Variants in RPL7 observed in about 807,000 individuals in gnomAD.
RPL7 encodes ribosomal protein L7.
For synonymous variants in RPL7, 100 were observed against 102.2 expected (o/e 0.98, Z 0.13); for missense variants, 205 against 301.9 (o/e 0.68, Z 2.38).
At chr8:73,293,657 A>T (rs775979784), upstream of RPL7, 5 of 1,611,434 alleles carry the variant, frequency 3.1e-6, no homozygotes, top group Non-Finnish European at 2.5e-6. Context: ...CGTACTGTCC[A>T]CTTAAAGACT....
At position 73,293,589 on chromosome 8, in the gene RPL7, A is replaced by G. The variant is rs1396029182; in HGVS notation, c.14+10T>C. ...GAGAAGGATTCTCAAGAGGACCAGA[A>G]GCAACTCACTCTACACCCTCCATGG... On this transcript the variant is annotated intron_variant, in intron 1 of 6. Transcript: ENST00000352983. 3 of 1,613,808 alleles carry G rather than the reference A, an allele frequency of 1.9e-6. No homozygotes were observed. Among genetic ancestry groups the G allele is most frequent in the Non-Finnish European group, 1.7e-6 (2 of 1,179,918 alleles).
At chr8:73,291,454 A>C in intron 5 of RPL7, 98 bp downstream of exon 5, 1 of 943,170 alleles carries the variant, frequency 1.1e-6, no homozygotes, top group Non-Finnish European at 1.6e-6. Flanking sequence ...ATCATAGGGA[A>C]CACATGAAGA....
Position 73,291,680 on chromosome 8 carries a change from C to G in RPL7, c.429-19G>C. 1 of 1,589,756 alleles carries G rather than the reference C, an allele frequency of 6.3e-7. No homozygotes were observed. The highest frequency in any genetic ancestry group is 8.6e-7 in the Non-Finnish European group (1 of 1,160,510). ...GGGGTACCTGAAGTGAAAAAGCAAACATAAATAAGGTGACCACTGTTAAAA... is the reference window on the plus strand; with the variant it reads ...GGGGTACCTGAAGTGAAAAAGCAAAGATAAATAAGGTGACCACTGTTAAAA... On this transcript the variant is annotated intron_variant, in intron 4 of 6. Coordinates refer to ENST00000352983, the MANE Select transcript of RPL7 (RefSeq NM_000971.4).
chr8:73,293,703 G>A (rs951477546), upstream of RPL7: 5 of 1,511,170 alleles, frequency 3.3e-6, no homozygotes, highest in African/African-American at 6.9e-5. Flanking sequence ...AGGTGTCTTA[G>A]AATAAGCCGG....
upstream of RPL7, chr8:73,293,897 G>A (rs111784609): frequency 4.9e-6 from 2 of 404,792 alleles, no homozygotes; most frequent in African/African-American, 4.1e-5. Context: ...TCCCCAGGCT[G>A]CGCTGACAGG....
chr8:73,292,614 C>A, intron 2 of RPL7, 75 bp downstream of exon 2: 1 of 1,192,308 alleles, frequency 8.4e-7, no homozygotes, highest in Non-Finnish European at 1.2e-6. Context: ...GTAAATCTTG[C>A]CAAGAACATT....
At chr8:73,292,043 T>C (rs917231483) in intron 3 of RPL7, 133 bp from the exon 4 acceptor site, 123 of 1,295,696 alleles carry the variant, frequency 9.5e-5, no homozygotes, top group Non-Finnish European at 1.3e-4. Context: ...TGAATTTCTG[T>C]ATTCTATTAA....
At chr8:73,292,176 A>C (rs955626133) in intron 3 of RPL7, 63 bp downstream of exon 3, 10 of 1,439,608 alleles carry the variant, frequency 6.9e-6, no homozygotes, top group South Asian at 1.3e-5. Flanking sequence ...GGCTCCCAGA[A>C]GTAATGTGAA....
rs12678782 is a variant in RPL7, at chr8:73,290,461, G to T, written c.*246C>A. On this transcript the variant is annotated 3_prime_UTR_variant, in exon 7 of 7. Transcript: ENST00000352983. ...AAAAAACAAAAAATTAAAATCTTTT[G>T]TATAGAAAAGCCTTTTAAAAACCCA... is the stretch of plus-strand genomic sequence containing the variant. 0.11 allele frequency: 16,873 copies of T among 152,258 alleles called. 991 individuals are homozygous for T. The highest frequency in any genetic ancestry group is 0.14 in the East Asian group (719 of 5,184). 9.4% of individuals were successfully genotyped at this position (152,258 alleles called of 1,614,324 possible). A position where few individuals can be genotyped will look rare whatever the true frequency, so the allele number is the denominator to read the frequency against.
At chr8:73,292,489 G>A (rs1268396149) in intron 2 of RPL7, 84 bp from the exon 3 acceptor site, 1 of 1,317,202 alleles carries the variant, frequency 7.6e-7, no homozygotes, top group Admixed American at 2.2e-5. Context: ...ACTACAACAT[G>A]TTTCCTTTAA....
Position 73,292,358 on chromosome 8 carries a change from A to G in RPL7, c.171T>C (p.Tyr57=). The change falls in exon 3 of 7, where the codon TAT becomes TAC. Residue 57 remains tyrosine (Y), a synonymous_variant. Coordinates refer to ENST00000352983, the MANE Select transcript of RPL7 (RefSeq NM_000971.4). The part of the protein sequence containing the change: ...RKLIYEKAKH[Y]HKEYRQMYRT... ...TGTACATCTGCCTATATTCCTTGTG[A>G]TAGTGCTTTGCTTTTTCATAGATAA... is the stretch of plus-strand genomic sequence containing the variant. The G allele has an allele frequency of 6.2e-7, 1 of 1,602,412 alleles. No homozygotes were observed. Among genetic ancestry groups the G allele is most frequent in the African/African-American group, 1.3e-5 (1 of 74,954 alleles).
chr8:73,291,901 T>G lies in RPL7; in HGVS notation c.300A>C (p.Gly100=), dbSNP rs1814106274. The G allele has an allele frequency of 1.9e-5, 30 of 1,612,098 alleles. No homozygotes were observed. In the East Asian group the frequency reaches 6.7e-4, roughly 36 times the overall value. The change falls in exon 4 of 7, where the codon GGA becomes GGC. Residue 100 remains glycine, a synonymous_variant. Coordinates refer to ENST00000352983, the MANE Select transcript of RPL7 (RefSeq NM_000971.4). ...AFVIRIRGIN[G]VSPKVRKVLQ... ...ACACCTTTCGAACCTTTGGGCTCAC[T>G]CCATTGATACTGTGGTGAAAACGGA...
chr8:73,290,895 T>C, intron 6 of RPL7, 148 bp downstream of exon 6: 1 of 650,834 alleles, frequency 1.5e-6, no homozygotes, highest in Non-Finnish European at 2.7e-6. Flanking sequence ...AAACCAACTG[T>C]AATCATTAAG....
chr8:73,292,203 C>A, intron 3 of RPL7, 36 bp downstream of exon 3: 9 of 1,251,550 alleles, frequency 7.2e-6, no homozygotes, highest in Admixed American at 2.4e-5. Flanking sequence ...TTTTTTTTTT[C>A]CCATTCAAAC....
At position 73,292,392 on chromosome 8, in the gene RPL7, C is replaced by T. The variant is rs144358877; in HGVS notation, c.137G>A (p.Arg46Lys). The part of the protein sequence containing the change: ...KFAQKMLRKA[R>K]RKLIYEKAKH... ...TGCTTTTTCATAGATAAGCTTCCTC[C>T]TTGCCTTTCGAAGCTGAAAACCAAT... Residue 46 changes from arginine (R) to lysine (K), a missense_variant, in exon 3 of 7, where the codon AGG (arginine) becomes AAG (lysine). By Grantham distance (26) the Arg-to-Lys change is conservative (BLOSUM62 2). Coordinates refer to ENST00000352983, the MANE Select transcript of RPL7 (RefSeq NM_000971.4). 21 of 1,595,600 alleles carry T rather than the reference C, an allele frequency of 1.3e-5. No homozygotes were observed. Among genetic ancestry groups the T allele is most frequent in the Non-Finnish European group, 1.8e-5 (21 of 1,176,680 alleles).
intron 1 of RPL7, 94 bp downstream of exon 1, chr8:73,293,505 G>T: frequency 6.7e-7 from 1 of 1,489,804 alleles, no homozygotes; most frequent in South Asian, 1.2e-5. Context: ...GTGGGCAAAG[G>T]TGCAAGCTAC....
upstream of RPL7, chr8:73,293,642 G>C: frequency 6.2e-7 from 1 of 1,613,142 alleles, no homozygotes; most frequent in Non-Finnish European, 8.5e-7. Flanking sequence ...GGAAGTTGGC[G>C]CATGCGTACT....
intron 2 of RPL7, 42 bp from the exon 3 acceptor site, chr8:73,292,447 C>A (rs1213956683): frequency 6.5e-7 from 1 of 1,526,884 alleles, no homozygotes; most frequent in Non-Finnish European, 8.9e-7. Flanking sequence ...TTAGCTCAAT[C>A]ACAATTAGCA....
rs1341371663 is a variant in RPL7 at position 73,291,233 on chromosome 8, G to A, written c.558C>T (p.Cys186=). Residue 186 remains cysteine, a synonymous_variant, in exon 6 of 7, where the codon TGC becomes TGT. Transcript: ENST00000352983. ...ARSLGKYGII[C]MEDLIHEIYT... Reference sequence around the variant, plus strand: ...AGATCTCATGAATCAAATCCTCCATGCAGATGATGCCGTATTTACCTAAAT... The same window carrying A: ...AGATCTCATGAATCAAATCCTCCATACAGATGATGCCGTATTTACCTAAAT... 6.2e-7 allele frequency: 1 copy of A among 1,608,508 alleles called. No homozygotes were observed. Among genetic ancestry groups the A allele is most frequent in the Non-Finnish European group, 8.5e-7 (1 of 1,176,548 alleles).
Sources: gnomAD v4.1 joint callset for allele counts on GRCh38, gnomAD v4.1.1 for gene constraint, MANE v1.5 for transcripts, NCBI Gene and HGNC (gene_info 2026-07-23, HGNC 2026-07-21) for gene names.